AKAP6: variants seen among roughly 807,000 people sequenced by gnomAD.
The protein encoded by AKAP6 is A-kinase anchoring protein 6.
A neutral mutation model predicts 188.5 loss-of-function variants in AKAP6; 58 were observed. The ratio of observed to expected loss-of-function variants is 0.31; its 90% CI spans 0.25 to 0.38. The LOEUF (loss-of-function observed/expected upper bound fraction) is 0.38. Ranked by LOEUF, AKAP6 falls within the 10% of genes least tolerant of loss-of-function variation. The pLI is 1.00. For missense variants in AKAP6, 2,710 were observed against 2,740.0 expected (o/e 0.99, Z 0.24); for synonymous variants, 989 against 998.6 (o/e 0.99, Z 0.18).
intron 7 of AKAP6, among the ~76,000 whole-genome samples, chr14:32,624,142 T>G (rs1311577680): frequency 2.0e-5 from 3 of 152,136 alleles, no homozygotes; most frequent in African/African-American, 7.2e-5. Flanking sequence ...ATTCACATAG[T>G]GCATAATGAA....
intron 4 of AKAP6, among the ~76,000 whole-genome samples, chr14:32,572,204 C>T (rs1884521504): frequency 6.6e-6 from 1 of 152,200 alleles, no homozygotes; most frequent in African/African-American, 2.4e-5. Flanking sequence ...AATCCCAAGT[C>T]ACTTACCTTC....
chr14:32,778,136 T>C (rs1268385114), intron 12 of AKAP6, among the ~76,000 whole-genome samples: 1 of 152,180 alleles, frequency 6.6e-6, no homozygotes, highest in Non-Finnish European at 1.5e-5. Flanking sequence ...TTTTCATTCA[T>C]TAAAACCTGA....
At chr14:32,674,052 T>C (rs111478682) in intron 7 of AKAP6, among the ~76,000 whole-genome samples, 2,242 of 152,278 alleles carry the variant, frequency 0.015, 53 homozygotes, top group African/African-American at 0.048. Flanking sequence ...GCATATCAGC[T>C]GAGAGCTGGA....
chr14:32,704,820 A>G (rs1377565077), intron 9 of AKAP6, among the ~76,000 whole-genome samples: 1 of 152,236 alleles, frequency 6.6e-6, no homozygotes, highest in Non-Finnish European at 1.5e-5. Flanking sequence ...TATCATAATT[A>G]TAACCACAAG....
chr14:32,535,628 G>A lies in AKAP6; in HGVS notation c.399G>A (p.Leu133=), dbSNP rs184880734. 6.2e-7 allele frequency: 1 copy of A among 1,614,090 alleles called. No individual in the cohort carries two copies. Among genetic ancestry groups the A allele is most frequent in the African/African-American group, 1.3e-5 (1 of 74,932 alleles). ...TTGAAACAGAGTTCTCCCTAAAGCT[G>A]CTGTCTTACTCTGTCAACGTGATAG... ...ALLETEFSLK[L]LSYSVNVIVD... is the part of the protein sequence containing the mutation. The change falls in exon 3 of 14, where the codon CTG becomes CTA. Residue 133 remains leucine, a synonymous_variant. Transcript: ENST00000280979.
At chr14:32,560,395 C>G (rs1461055367) in intron 4 of AKAP6, among the ~76,000 whole-genome samples, 1 of 151,896 alleles carries the variant, frequency 6.6e-6, no homozygotes, top group Non-Finnish European at 1.5e-5. Flanking sequence ...AGTCCTGCCT[C>G]AGTTTGGTTT....
intron 1 of AKAP6, among the ~76,000 whole-genome samples, chr14:32,339,120 C>G (rs1412771680): frequency 1.3e-5 from 2 of 152,098 alleles, no homozygotes; most frequent in African/African-American, 2.4e-5. Context: ...TATAATATAA[C>G]TTGTATAAGG....
chr14:32,667,343 G>A (rs1186442898), intron 7 of AKAP6, among the ~76,000 whole-genome samples: 1 of 151,946 alleles, frequency 6.6e-6, no homozygotes, highest in Non-Finnish European at 1.5e-5. Flanking sequence ...GTATGAAAGG[G>A]AAATGATTAT....
intron 7 of AKAP6, among the ~76,000 whole-genome samples, chr14:32,637,565 C>T (rs1445609476): frequency 6.6e-6 from 1 of 151,806 alleles, no homozygotes; most frequent in African/African-American, 2.4e-5. Context: ...GCAATCAAGT[C>T]AAGAGTCCAG....
chr14:32,377,849 C>T (rs930831168), intron 1 of AKAP6, among the ~76,000 whole-genome samples: 5 of 152,024 alleles, frequency 3.3e-5, no homozygotes, highest in African/African-American at 4.8e-5. Flanking sequence ...ATAAACTGTA[C>T]TTGGAGTATA....
At chr14:32,358,732 G>A (rs1031666193) in intron 1 of AKAP6, among the ~76,000 whole-genome samples, 3 of 152,128 alleles carry the variant, frequency 2.0e-5, no homozygotes, top group African/African-American at 7.2e-5. Context: ...AGGGGATAGT[G>A]AGAAGGGAGG....
intron 7 of AKAP6, 43 bp from the exon 8 acceptor site, chr14:32,678,268 C>T: frequency 6.3e-7 from 1 of 1,576,758 alleles, no homozygotes; most frequent in Non-Finnish European, 8.7e-7. Flanking sequence ...AAATGCATTC[C>T]TTCTGGATTA....
rs1041286887 is a variant in AKAP6 at position 32,678,748 on chromosome 14, T to C, written c.2879+289T>C. Among the ~76,000 whole-genome samples the C allele has an allele frequency of 3.9e-5, 6 of 152,336 alleles. No individual in the cohort carries two copies. The South Asian group carries it at 8.3e-4, about 21-fold the overall frequency. Reference sequence around the variant, plus strand: ...ACGATGTGCCTTTAGTATTGATCTGTCTTCTTTATAAATTTTTTCCTTGTA... The same window carrying C: ...ACGATGTGCCTTTAGTATTGATCTGCCTTCTTTATAAATTTTTTCCTTGTA... On this transcript the variant is annotated intron_variant, in intron 8 of 13. Transcript: ENST00000280979.
chr14:32,696,132 T>G (rs1293709379), intron 9 of AKAP6, 22 bp downstream of exon 9: 2 of 1,580,542 alleles, frequency 1.3e-6, no homozygotes, highest in Non-Finnish European at 1.7e-6. Context: ...CCTTCCTGCC[T>G]TTACCTTGCT....
Position 32,824,796 on chromosome 14 carries a change from G to A in AKAP6, c.*23G>A. The A allele has an allele frequency of 1.3e-6, 2 of 1,593,052 alleles. No individual in the cohort carries two copies. The highest frequency in any genetic ancestry group is 1.7e-6 in the Non-Finnish European group (2 of 1,171,572). On this transcript the variant is annotated 3_prime_UTR_variant, in exon 13 of 14. Coordinates refer to ENST00000280979, the MANE Select transcript of AKAP6 (RefSeq NM_004274.5). The stretch of plus-strand genomic sequence containing the variant: ...TAGAATGTACCCCCTCCCCAAGCAT[G>A]AAAATCATCTCACTGAAAGGTACGT...
chr14:32,394,915 G>T (rs192551439), intron 1 of AKAP6, among the ~76,000 whole-genome samples: 2 of 152,146 alleles, frequency 1.3e-5, no homozygotes, highest in East Asian at 3.9e-4. Flanking sequence ...CAAATTGTGC[G>T]TGTAAATAAT....
In AKAP6 at chr14:32,823,010, A is replaced by G; in HGVS notation, c.5197A>G (p.Asn1733Asp). The change falls in exon 13 of 14, where the codon AAT (asparagine) becomes GAT (aspartate). Residue 1733 changes from asparagine (N) to aspartate (D), a missense_variant. Coordinates refer to ENST00000280979, the MANE Select transcript of AKAP6 (RefSeq NM_004274.5). ...TRSVADESDV[N>D]VSMIVNVSCT... ...TTCAGTGGCTGATGAAAGCGATGTC[A>G]ATGTCAGCATGATTGTTAATGTCTC... 1 of 1,613,904 alleles carries G rather than the reference A, an allele frequency of 6.2e-7. No homozygotes were observed. The highest frequency in any genetic ancestry group is 8.5e-7 in the Non-Finnish European group (1 of 1,179,904).
chr14:32,513,405 T>C (rs774617756), intron 2 of AKAP6, among the ~76,000 whole-genome samples: 1 of 152,188 alleles, frequency 6.6e-6, no homozygotes, highest in Non-Finnish European at 1.5e-5. Flanking sequence ...GAATTAATGA[T>C]ATGTTATTTA....
At chr14:32,671,388 T>C (rs1889186851) in intron 7 of AKAP6, among the ~76,000 whole-genome samples, 2 of 152,160 alleles carry the variant, frequency 1.3e-5, no homozygotes, top group South Asian at 4.1e-4. Context: ...ACAGCAAGTA[T>C]AAACAATTCA....
Sources: allele counts gnomAD v4.1 joint callset (sites outside exome capture counted in the v4.1 genomes callset), GRCh38; gene constraint gnomAD v4.1.1; transcripts MANE v1.5; gene names NCBI Gene and HGNC (gene_info 2026-07-23, HGNC 2026-07-21).